Variants in BRPF3 observed in about 807,000 individuals in gnomAD.
BRPF3 encodes the protein bromodomain and PHD finger containing 3.
Under a neutral mutation model 102.0 loss-of-function variants are expected in BRPF3, and 18 were observed. The ratio of observed to expected loss-of-function variants is 0.18; its 90% CI spans 0.12 to 0.26. The LOEUF is 0.26. Among genes scored for constraint, BRPF3 ranks in the 10% least tolerant of loss-of-function variants. The pLI, the probability that BRPF3 is intolerant of heterozygous loss-of-function variation, is 1.00. For synonymous variants in BRPF3, 570 were observed against 614.2 expected (o/e 0.93, Z 1.06); for missense variants, 1,147 against 1,567.8 (o/e 0.73, Z 4.53).
Position 36,225,327 on chromosome 6 carries a change from G to A in BRPF3, c.3242G>A (p.Trp1081Ter). The change falls in exon 11 of 13, where the codon TGG (tryptophan) becomes TAG (stop). Residue 1081 changes from tryptophan to a stop codon, truncating the protein, a stop_gained. Coordinates refer to ENST00000357641, the MANE Select transcript of BRPF3 (RefSeq NM_015695.3). LOFTEE classifies it high-confidence loss of function. Reference protein sequence around the residue: ...RGDLEPLELVWAKCRGYPSYP... With the variant: ...RGDLEPLELV Reference sequence around the variant, plus strand: ...GACCTGGAGCCCTTGGAGCTGGTGTGGGCCAAGTGCCGAGGCTACCCCTCC... The same window carrying A: ...GACCTGGAGCCCTTGGAGCTGGTGTAGGCCAAGTGCCGAGGCTACCCCTCC... 1 of 1,610,858 alleles carries A rather than the reference G, an allele frequency of 6.2e-7. No individual in the cohort carries two copies. The highest frequency in any genetic ancestry group is 8.5e-7 in the Non-Finnish European group (1 of 1,180,020).
In BRPF3 at chr6:36,209,512, G is replaced by T. The variant is rs138669726; in HGVS notation, c.1738-275G>T. Among the ~76,000 whole-genome samples, 528 of 152,242 alleles carry T rather than the reference G, an allele frequency of 3.5e-3. 3 individuals carry two copies. Among genetic ancestry groups the T allele is most frequent in the African/African-American group, 0.012 (494 of 41,534 alleles). On this transcript the variant is annotated intron_variant, in intron 4 of 12. Transcript: ENST00000357641. ...TACCTGGCATTTAGTAAGGGCTATA[G>T]AAGTGTTAATGATTATAATTGTAAT...
At chr6:36,225,890 G>A (rs1384215366) in intron 11 of BRPF3, among the ~76,000 whole-genome samples, 1 of 152,156 alleles carries the variant, frequency 6.6e-6, no homozygotes, top group Non-Finnish European at 1.5e-5. Flanking sequence ...AACTTGGGGT[G>A]TATATCCACT....
intron 9 of BRPF3, among the ~76,000 whole-genome samples, chr6:36,220,144 G>A (rs1052107050): frequency 4.6e-5 from 7 of 152,182 alleles, no homozygotes; most frequent in African/African-American, 9.7e-5. Flanking sequence ...TGAAATGCAG[G>A]CCATGATTGA....
rs192976904 is a variant in BRPF3, at chr6:36,226,567, A to G, written c.3279+1203A>G. The stretch of plus-strand genomic sequence containing the variant: ...CAATATTTTTTAGAAAACATCCTAG[A>G]TGATCTGTAGCCAGGGTTGGGAACC... On this transcript the variant is annotated intron_variant, in intron 11 of 12. Transcript: ENST00000357641. Among the ~76,000 whole-genome samples, 4 of 152,294 alleles carry G rather than the reference A, an allele frequency of 2.6e-5. No individual in the cohort carries two copies. In the East Asian group the frequency reaches 7.7e-4, roughly 29 times the overall value.
chr6:36,218,741 G>A (rs1490354353), intron 9 of BRPF3, among the ~76,000 whole-genome samples: 1 of 152,180 alleles, frequency 6.6e-6, no homozygotes, highest in Admixed American at 6.5e-5. Context: ...TTACAGGCGT[G>A]AGCCACTGCG....
rs1273275910 is a variant in BRPF3 at position 36,230,876 on chromosome 6, G to A, written c.*267G>A. On this transcript the variant is annotated 3_prime_UTR_variant, in exon 13 of 13. Coordinates refer to ENST00000357641, the MANE Select transcript of BRPF3 (RefSeq NM_015695.3). This position sits in a 1 kb window ranked among gnomAD's most constrained non-coding sequence, Gnocchi z 5.4. ...ACCAGTTAGAAGTAGAAACAGCTGT[G>A]GGGCTTGGGCCCAGCTTAGGAGATT... The A allele has an allele frequency of 1.7e-5, 8 of 466,616 alleles. No individual in the cohort carries two copies. The highest frequency in any genetic ancestry group is 3.1e-5 in the Non-Finnish European group (8 of 259,232). 28.9% of individuals were successfully genotyped at this position (466,616 alleles called of 1,614,324 possible). A position where few individuals can be genotyped will look rare whatever the true frequency, so the allele number is the denominator to read the frequency against.
intron 9 of BRPF3, among the ~76,000 whole-genome samples, chr6:36,220,919 G>GT (rs1237277176): frequency 1.3e-5 from 2 of 152,166 alleles, no homozygotes; most frequent in Admixed American, 6.5e-5. Context: ...TCTCCAACCA[G>GT]TCCCTACTCC....
At chr6:36,197,514 G>C (rs1455818855) in intron 1 of BRPF3, 1 of 152,354 alleles carries the variant, frequency 6.6e-6, no homozygotes, top group East Asian at 1.9e-4. Context: ...CCTTAAAGGA[G>C]CAGGAGCCTT....
At position 36,210,580 on chromosome 6, in the gene BRPF3, A is replaced by G; in HGVS notation, c.2179+52A>G. On this transcript the variant is annotated intron_variant, in intron 6 of 12. Transcript: ENST00000357641. This position sits in a 1 kb window ranked among gnomAD's most constrained non-coding sequence, Gnocchi z 4.7. ...AGAGGGGCCAGGAGGAGGCACAGGA[A>G]CAGAGTCTACAGAGTGAGGGATCAG... 1 of 1,493,356 alleles carries G rather than the reference A, an allele frequency of 6.7e-7. No homozygotes were observed. Among genetic ancestry groups the G allele is most frequent in the South Asian group, 1.3e-5 (1 of 77,452 alleles). The allele number at this position is 1,493,356 out of a possible 1,614,324, so 92.5% of individuals were successfully genotyped here.
At chr6:36,223,006 C>G (rs1179332332) in intron 10 of BRPF3, among the ~76,000 whole-genome samples, 1 of 152,078 alleles carries the variant, frequency 6.6e-6, no homozygotes, top group Non-Finnish European at 1.5e-5. Context: ...CATACATAAC[C>G]CTGTAGTTTT....
intron 8 of BRPF3, among the ~76,000 whole-genome samples, chr6:36,216,520 A>G (rs1467128195): frequency 6.6e-6 from 1 of 152,226 alleles, no homozygotes; most frequent in African/African-American, 2.4e-5. Flanking sequence ...GGCACCCAAG[A>G]CACAGATGGC....
At chr6:36,229,957 T>C (rs182056230) in intron 12 of BRPF3, among the ~76,000 whole-genome samples, 2 of 152,294 alleles carry the variant, frequency 1.3e-5, no homozygotes, top group East Asian at 3.9e-4. Context: ...CCACATGTTA[T>C]ATTCACCCGG....
At chr6:36,211,006 T>G (rs1768085196) in intron 6 of BRPF3, among the ~76,000 whole-genome samples, 1 of 152,246 alleles carries the variant, frequency 6.6e-6, no homozygotes, top group Admixed American at 6.5e-5. Flanking sequence ...AGCTGCCTCA[T>G]GCCTGCTCCA....
intron 1 of BRPF3, among the ~76,000 whole-genome samples, chr6:36,197,912 C>G (rs912355196): frequency 1.3e-5 from 2 of 152,074 alleles, no homozygotes; most frequent in Non-Finnish European, 2.9e-5. Context: ...GAGGAGGTGG[C>G]AGGTGGGGAA....
At chr6:36,197,375 C>G (rs937899456) in intron 1 of BRPF3, 1 of 152,490 alleles carries the variant, frequency 6.6e-6, no homozygotes, top group Non-Finnish European at 1.5e-5. Context: ...CGCTGGCGCT[C>G]GCTTTCTCTG....
intron 8 of BRPF3, among the ~76,000 whole-genome samples, chr6:36,215,949 C>G (rs1203131337): frequency 6.6e-6 from 1 of 152,174 alleles, no homozygotes; most frequent in East Asian, 1.9e-4. Context: ...GTGTGGCCAG[C>G]ACTTGCTTTT....
At chr6:36,214,519 T>C (rs766885595) in intron 8 of BRPF3, 133 bp downstream of exon 8, 13 of 1,114,020 alleles carry the variant, frequency 1.2e-5, no homozygotes, top group Non-Finnish European at 1.6e-5. Flanking sequence ...GAGGGCACCA[T>C]AGCTCACAGT....
intron 3 of BRPF3, among the ~76,000 whole-genome samples, chr6:36,206,443 C>T (rs192314896): frequency 5.1e-4 from 77 of 152,322 alleles, no homozygotes; most frequent in African/African-American, 1.9e-3. Flanking sequence ...ATATACTCCT[C>T]TTTCTAGGCA....
chr6:36,204,162 C>A (rs1767820999), intron 2 of BRPF3, among the ~76,000 whole-genome samples: 1 of 152,010 alleles, frequency 6.6e-6, no homozygotes, highest in Non-Finnish European at 1.5e-5. Flanking sequence ...CCATGAAAAA[C>A]CAGACGTCAA....
Sources: allele counts gnomAD v4.1 joint callset (sites outside exome capture counted in the v4.1 genomes callset), GRCh38; gene constraint gnomAD v4.1.1; non-coding constraint Gnocchi (gnomAD v3.1); transcripts MANE v1.5; gene names NCBI Gene and HGNC (gene_info 2026-07-23, HGNC 2026-07-21).